Variants in LHFPL3 observed in about 807,000 individuals in gnomAD.
LHFPL3 encodes the protein LHFPL tetraspan subfamily member 3 protein.
A neutral mutation model predicts 19.3 loss-of-function variants in LHFPL3; 5 were observed. The ratio of observed to expected loss-of-function variants is 0.26; its 90% CI spans 0.14 to 0.54. The LOEUF (loss-of-function observed/expected upper bound fraction) is 0.54. Among genes scored for constraint, LHFPL3 ranks in the 20% least tolerant of loss-of-function variants. The probability of loss-of-function intolerance (pLI) is 0.94; values close to 1 mark genes in which losing one functional copy is unlikely to be tolerated. For missense variants in LHFPL3, 249 were observed against 307.4 expected (o/e 0.81, Z 1.42); for synonymous variants, 133 against 126.2 (o/e 1.05, Z -0.36).
intron 2 of LHFPL3, among the ~76,000 whole-genome samples, chr7:104,793,669 T>C (rs1790065741): frequency 6.6e-6 from 1 of 152,208 alleles, no homozygotes; most frequent in Non-Finnish European, 1.5e-5. Context: ...TGTTTTGGTT[T>C]GGTTTTTTAG....
At chr7:104,369,417 T>C (rs1168620271) in intron 1 of LHFPL3, among the ~76,000 whole-genome samples, 3 of 152,252 alleles carry the variant, frequency 2.0e-5, no homozygotes, top group Non-Finnish European at 4.4e-5. Context: ...TTCTTTTCAT[T>C]ACTGAATAGA....
chr7:104,671,222 G>A (rs937576793), intron 1 of LHFPL3, among the ~76,000 whole-genome samples: 8 of 151,806 alleles, frequency 5.3e-5, no homozygotes, highest in Non-Finnish European at 1.0e-4. Context: ...CTTTTAAAGA[G>A]TATTGAAGAT....
At chr7:104,561,163 T>A (rs1277176196) in intron 1 of LHFPL3, among the ~76,000 whole-genome samples, 1 of 152,044 alleles carries the variant, frequency 6.6e-6, no homozygotes, top group African/African-American at 2.4e-5. Flanking sequence ...GTTCTGTTGA[T>A]TTGGGGTGGA....
chr7:104,603,136 TCC>T (rs1491290836), intron 1 of LHFPL3, among the ~76,000 whole-genome samples: 35 of 66,220 alleles, frequency 5.3e-4, no homozygotes, highest in Admixed American at 1.5e-3. Context: ...CTTTCTTTTT[TCC>T]CTTCCTTCCT....
intron 1 of LHFPL3, among the ~76,000 whole-genome samples, chr7:104,545,062 T>C (rs1466605522): frequency 1.3e-5 from 2 of 152,244 alleles, no homozygotes; most frequent in African/African-American, 4.8e-5. Flanking sequence ...CCCCTCCTAA[T>C]ATGCTCTCAG....
chr7:104,698,718 G>A (rs1274813617), intron 1 of LHFPL3, among the ~76,000 whole-genome samples: 1 of 152,094 alleles, frequency 6.6e-6, no homozygotes, highest in African/African-American at 2.4e-5. Flanking sequence ...TCCAGATGAA[G>A]GAATATTATT....
intron 2 of LHFPL3, chr7:104,800,039 AG>A (rs2116471556): frequency 6.5e-6 from 1 of 152,732 alleles, no homozygotes; most frequent in African/African-American, 2.4e-5. Flanking sequence ...TCTCAGGTCT[AG>A]GCTTTGGTCC....
intron 2 of LHFPL3, among the ~76,000 whole-genome samples, chr7:104,890,632 T>C (rs1387410634): frequency 6.6e-6 from 1 of 152,168 alleles, no homozygotes; most frequent in East Asian, 1.9e-4. Context: ...TGCCCAGAGC[T>C]GAGATCAACC....
chr7:104,610,777 C>A (rs887340923), intron 1 of LHFPL3, among the ~76,000 whole-genome samples: 1 of 152,210 alleles, frequency 6.6e-6, no homozygotes, highest in Admixed American at 6.5e-5. Flanking sequence ...TCCAGAAACA[C>A]CCTCATAGGC....
intron 1 of LHFPL3, among the ~76,000 whole-genome samples, chr7:104,701,327 G>A (rs373297637): frequency 8.0e-4 from 121 of 152,074 alleles, no homozygotes; most frequent in Middle Eastern, 3.4e-3. Context: ...CTCTCCCCAC[G>A]CAGTCAAAAA....
chr7:104,439,862 A>G (rs1792182079), intron 1 of LHFPL3, among the ~76,000 whole-genome samples: 1 of 152,304 alleles, frequency 6.6e-6, no homozygotes, highest in Middle Eastern at 3.4e-3. Context: ...CAAGAAAAAA[A>G]GGTAAAACAT....
intron 2 of LHFPL3, among the ~76,000 whole-genome samples, chr7:104,881,856 C>A (rs1459059264): frequency 2.0e-5 from 3 of 152,158 alleles, no homozygotes; most frequent in Non-Finnish European, 4.4e-5. Context: ...AGCCACCACC[C>A]TCATCAGTCA....
In LHFPL3 at chr7:104,403,725, T is replaced by TTCTCTCTCTCTCTCTCTCTC. The variant is rs71786184; in HGVS notation, c.445+74516_445+74535dup. Among the ~76,000 whole-genome samples the TTCTCTCTCTCTCTCTCTCTC allele has an allele frequency of 1.2e-3, 174 of 143,696 alleles. 2 individuals are homozygous for TTCTCTCTCTCTCTCTCTCTC. Among genetic ancestry groups the TTCTCTCTCTCTCTCTCTCTC allele is most frequent in the African/African-American group, 4.4e-3 (167 of 38,154 alleles). 94.3% of individuals were successfully genotyped at this position (143,696 alleles called of 152,430 possible). A position where few individuals can be genotyped will look rare whatever the true frequency, so the allele number is the denominator to read the frequency against. On this transcript the variant is annotated intron_variant, in intron 1 of 2. Coordinates refer to ENST00000424859, the MANE Select transcript of LHFPL3 (RefSeq NM_199000.3). ...AATCTAATCATGTCCTTAGTGAACA[T>TTCTCTCTCTCTCTCTCTCTC]TCTCTCTCTCTCTCTCTCTCTCTCT...
intron 1 of LHFPL3, among the ~76,000 whole-genome samples, chr7:104,495,422 C>T (rs1055945080): frequency 3.0e-4 from 45 of 152,180 alleles, no homozygotes; most frequent in African/African-American, 7.9e-4. Context: ...CTTGCTCTGT[C>T]GCCCAGGCTG....
intron 1 of LHFPL3, among the ~76,000 whole-genome samples, chr7:104,524,877 A>C (rs1369552168): frequency 6.6e-6 from 1 of 152,222 alleles, no homozygotes. Flanking sequence ...AGAACCAAAA[A>C]ATGGTTTTTA....
At chr7:104,577,900 C>G (rs911251719) in intron 1 of LHFPL3, among the ~76,000 whole-genome samples, 1 of 152,160 alleles carries the variant, frequency 6.6e-6, no homozygotes, top group African/African-American at 2.4e-5. Flanking sequence ...TACAGACTTT[C>G]TTTTCCCCCT....
At chr7:104,694,511 A>G (rs1432144689) in intron 1 of LHFPL3, among the ~76,000 whole-genome samples, 2 of 152,238 alleles carry the variant, frequency 1.3e-5, no homozygotes, top group African/African-American at 4.8e-5. Context: ...AAAAACCTGA[A>G]AAACCTTTTT....
At chr7:104,707,021 C>A (rs111694861) in intron 1 of LHFPL3, among the ~76,000 whole-genome samples, 30 of 152,282 alleles carry the variant, frequency 2.0e-4, no homozygotes, top group African/African-American at 6.0e-4. Flanking sequence ...CAAAAAGAAG[C>A]CTTAGATCTT....
chr7:104,430,454 ATTTTTTTTTTTTTTTTTTTT>A (rs1172420054), intron 1 of LHFPL3, among the ~76,000 whole-genome samples: 2 of 15,290 alleles, frequency 1.3e-4, no homozygotes, highest in African/African-American at 5.3e-4. Flanking sequence ...ATATATATAT[ATTTTTTTTTTTTTTTTTTTT>A]TTTTTTTTTT....
Sources: gnomAD v4.1 joint callset for allele counts (sites outside exome capture counted in the v4.1 genomes callset) on GRCh38, gnomAD v4.1.1 for gene constraint, MANE v1.5 for transcripts, NCBI Gene and HGNC (gene_info 2026-07-23, HGNC 2026-07-21) for gene names.